Variants in XCR1 observed in about 807,000 individuals in gnomAD.
The protein encoded by XCR1 is X-C motif chemokine receptor 1.
For synonymous variants in XCR1, 187 were observed against 188.5 expected (o/e 0.99, Z 0.06); for missense variants, 356 against 424.2 (o/e 0.84, Z 1.41).
chr3:46,030,342 T>C (rs1051898993), upstream of XCR1, among the ~76,000 whole-genome samples: 1 of 152,206 alleles, frequency 6.6e-6, no homozygotes, highest in African/African-American at 2.4e-5. Flanking sequence ...TTCCCCTCTA[T>C]TTCTAATTTG....
intron 4 of XCR1, among the ~76,000 whole-genome samples, chr3:46,066,633 T>C (rs971673510): frequency 2.6e-5 from 4 of 151,990 alleles, no homozygotes; most frequent in African/African-American, 4.8e-5. Context: ...CCCAGACCTG[T>C]AGAAACAGAA....
chr3:46,074,778 G>A (rs1050763613), intron 2 of XCR1, among the ~76,000 whole-genome samples: 4 of 152,118 alleles, frequency 2.6e-5, no homozygotes, highest in African/African-American at 4.8e-5. Flanking sequence ...AAAGGTAGAC[G>A]AAATTTTGGA....
At chr3:46,082,476 CTTTTTT>C (rs61282576) in intron 1 of XCR1, among the ~76,000 whole-genome samples, 7 of 100,032 alleles carry the variant, frequency 7.0e-5, no homozygotes, top group African/African-American at 2.7e-4. Context: ...AATCAGGCTC[CTTTTTT>C]TTTTTTTTTT....
intron 1 of XCR1, 71 bp downstream of exon 1, chr3:46,027,346 T>G (rs1708315631): frequency 6.6e-6 from 1 of 152,232 alleles, no homozygotes; most frequent in African/African-American, 2.4e-5. Flanking sequence ...CAGCAAAGCT[T>G]AAGAACTCCT....
Position 46,021,594 on chromosome 3 carries a change from G to T in XCR1, c.354C>A (p.Phe118Leu). 1 of 1,612,632 alleles carries T rather than the reference G, an allele frequency of 6.2e-7. No individual in the cohort carries two copies. Among genetic ancestry groups the T allele is most frequent in the Non-Finnish European group, 8.5e-7 (1 of 1,179,254 alleles). ...GGTGGATGGTCATGATGGTCAGGAA[G>T]AAGATGCTGCTGTAGAGGCTGATGG... is the stretch of plus-strand genomic sequence containing the variant. Reference protein sequence around the residue: ...IFSISLYSSIFFLTIMTIHRY... With the variant: ...IFSISLYSSILFLTIMTIHRY... The change falls in exon 2 of 2, where the codon TTC becomes TTA. Residue 118 changes from phenylalanine (F) to leucine (L), a missense_variant. Transcript: ENST00000309285. The surrounding 1 kb of genome is among the most constrained non-coding windows in gnomAD (Gnocchi z 4.7).
At chr3:46,082,055 T>G (rs1421377502) in intron 1 of XCR1, among the ~76,000 whole-genome samples, 1 of 152,202 alleles carries the variant, frequency 6.6e-6, no homozygotes, top group Non-Finnish European at 1.5e-5. Context: ...GCCACTAAAC[T>G]TAAAGGCATT....
At chr3:46,027,307 T>C (rs1279219707) in intron 1 of XCR1, 110 bp downstream of exon 1, 1 of 152,166 alleles carries the variant, frequency 6.6e-6, no homozygotes, top group Admixed American at 6.5e-5. Flanking sequence ...ATCAGCATAT[T>C]TACTAGCCCT....
At chr3:46,043,457 C>A (rs4234453) in intron 5 of XCR1, among the ~76,000 whole-genome samples, 33,707 of 151,700 alleles carry the variant, frequency 0.22, 5,134 homozygotes, top group African/African-American at 0.42. Flanking sequence ...CCAAACCAAA[C>A]CAAAACAAAA....
At chr3:46,051,642 T>C (rs1697745877) in intron 5 of XCR1, among the ~76,000 whole-genome samples, 1 of 152,238 alleles carries the variant, frequency 6.6e-6, no homozygotes, top group Admixed American at 6.5e-5. Context: ...GTTTCTCCTT[T>C]TGTGGAGAAG....
At chr3:46,085,336 A>T (rs2125905551) in intron 1 of XCR1, among the ~76,000 whole-genome samples, 1 of 152,336 alleles carries the variant, frequency 6.6e-6, no homozygotes, top group South Asian at 2.1e-4. Flanking sequence ...GAGGCAAGTA[A>T]CTTGGCCAAA....
chr3:46,044,819 G>A (rs890162873), intron 5 of XCR1, among the ~76,000 whole-genome samples: 5 of 152,046 alleles, frequency 3.3e-5, no homozygotes, highest in Non-Finnish European at 5.9e-5. Context: ...ACAGAATATG[G>A]GTAGGCCTAT....
intron 5 of XCR1, among the ~76,000 whole-genome samples, chr3:46,038,083 A>C (rs1269758015): frequency 6.8e-6 from 1 of 147,090 alleles, no homozygotes. Context: ...GCTGGAGTGC[A>C]ATGGTGCAAT....
chr3:46,054,953 C>T (rs1362020558), intron 4 of XCR1, among the ~76,000 whole-genome samples: 1 of 152,164 alleles, frequency 6.6e-6, no homozygotes, highest in African/African-American at 2.4e-5. Flanking sequence ...AAAAACTGAC[C>T]TAAGGAAATC....
intron 1 of XCR1, chr3:46,023,463 A>G: frequency 6.4e-7 from 1 of 1,550,604 alleles, no homozygotes; most frequent in South Asian, 1.1e-5. Context: ...CTCGTCTTTC[A>G]CTGGAATTGC....
chr3:46,020,767 C>T lies in XCR1; in HGVS notation c.*179G>A, dbSNP rs1708123194. The T allele has an allele frequency of 4.6e-6, 4 of 865,624 alleles. No individual in the cohort carries two copies. Among genetic ancestry groups the T allele is most frequent in the South Asian group, 2.0e-5 (1 of 49,040 alleles). 53.6% of individuals were successfully genotyped at this position (865,624 alleles called of 1,614,324 possible). A position where few individuals can be genotyped will look rare whatever the true frequency, so the allele number is the denominator to read the frequency against. On this transcript the variant is annotated 3_prime_UTR_variant, in exon 2 of 2. Transcript: ENST00000309285. ...ATTCCCAGGTAGGAAGCCACTTTCC[C>T]GCAGATGAGAGGCTGGCGGGACCCA...
At chr3:46,034,240 G>C (rs2088691) in intron 5 of XCR1, among the ~76,000 whole-genome samples, 15,436 of 152,172 alleles carry the variant, frequency 0.1, 2,652 homozygotes, top group African/African-American at 0.35. Context: ...CCAAAGTGCT[G>C]GGATTACAGG....
chr3:46,023,215 ACGCGGCTGCGTCG>A, intron 1 of XCR1: 1 of 527,554 alleles, frequency 1.9e-6, no homozygotes, highest in Non-Finnish European at 3.3e-6. Context: ...CCCAGAGAGG[ACGCGGCTGCGTCG>A]CGCTCCCCTG....
At chr3:46,031,135 C>T (rs1708386878), upstream of XCR1, among the ~76,000 whole-genome samples, 1 of 152,192 alleles carries the variant, frequency 6.6e-6, no homozygotes, top group African/African-American at 2.4e-5. Flanking sequence ...TCCCCAGGCA[C>T]AACTGCAGCT....
chr3:46,085,470 AT>A (rs987825070), intron 1 of XCR1, among the ~76,000 whole-genome samples: 1 of 152,008 alleles, frequency 6.6e-6, no homozygotes, highest in African/African-American at 2.4e-5. Context: ...TGGTCCAAGT[AT>A]TTTTTTCTCC....
Sources: gnomAD v4.1 joint callset for allele counts (sites outside exome capture counted in the v4.1 genomes callset) on GRCh38, gnomAD v4.1.1 for gene constraint, Gnocchi (gnomAD v3.1) non-coding constraint, MANE v1.5 for transcripts, NCBI Gene and HGNC (gene_info 2026-07-23, HGNC 2026-07-21) for gene names.